DCC: variants seen among roughly 807,000 people sequenced by gnomAD.
DCC encodes DCC netrin 1 receptor.
A neutral mutation model predicts 172.5 loss-of-function variants in DCC; 58 were observed. The ratio of observed to expected loss-of-function variants is 0.34; its 90% CI spans 0.27 to 0.42. The LOEUF (loss-of-function observed/expected upper bound fraction) is 0.42, where lower values mean the gene tolerates loss of function less well. Among genes scored for constraint, DCC ranks in the 10% least tolerant of loss-of-function variants. DCC has a pLI of 1.00. For missense variants in DCC, 1,740 were observed against 1,791.0 expected, an observed-to-expected ratio of 0.97 and a Z score of 0.51; for synonymous variants, 709 against 644.5, an observed-to-expected ratio of 1.10 and a Z score of -1.52.
intron 7 of DCC, among the ~76,000 whole-genome samples, chr18:53,077,070 CA>C (rs1270619780): frequency 6.7e-6 from 1 of 148,588 alleles, no homozygotes; most frequent in Non-Finnish European, 1.5e-5. Context: ...CTGGTGTTTA[CA>C]GGGGATTCAA....
chr18:53,378,176 G>A (rs1160655232), intron 15 of DCC, among the ~76,000 whole-genome samples: 2 of 152,124 alleles, frequency 1.3e-5, no homozygotes, highest in South Asian at 4.2e-4. Flanking sequence ...GGTCGGGCTG[G>A]TCTCGAACTC....
chr18:52,373,329 C>T (rs1242395009), intron 1 of DCC, among the ~76,000 whole-genome samples: 6 of 152,170 alleles, frequency 3.9e-5, no homozygotes, highest in African/African-American at 1.4e-4. Context: ...CTCAAGGTCT[C>T]TATGTTCTAT....
intron 1 of DCC, among the ~76,000 whole-genome samples, chr18:52,572,207 G>C (rs2033315406): frequency 6.6e-6 from 1 of 152,110 alleles, no homozygotes; most frequent in Non-Finnish European, 1.5e-5. Flanking sequence ...GCAATAAACA[G>C]AGGCACTAAA....
At position 52,936,610 on chromosome 18, in the gene DCC, G is replaced by A. The variant is rs1156452628; in HGVS notation, c.985+11240G>A. Among the ~76,000 whole-genome samples the A allele has an allele frequency of 3.5e-5, 2 of 57,332 alleles. 1 individual carries two copies. The highest frequency in any genetic ancestry group is 1.0e-4 in the Non-Finnish European group (2 of 19,126). 37.6% of individuals were successfully genotyped at this position (57,332 alleles called of 152,430 possible). ...TGTACTAATACAGACCATTAAAAAGGCAATCTAAGAATATAATTTTAATTA... is the reference window on the plus strand; with the variant it reads ...TGTACTAATACAGACCATTAAAAAGACAATCTAAGAATATAATTTTAATTA... On this transcript the variant is annotated intron_variant, in intron 5 of 28. Transcript: ENST00000442544.
chr18:52,554,297 C>T (rs541006816), intron 1 of DCC, among the ~76,000 whole-genome samples: 5 of 152,064 alleles, frequency 3.3e-5, no homozygotes, highest in Admixed American at 6.6e-5. Context: ...CCACAGGTTT[C>T]CTGTTTATCC....
intron 1 of DCC, among the ~76,000 whole-genome samples, chr18:52,669,670 A>G: frequency 6.6e-6 from 1 of 152,242 alleles, no homozygotes; most frequent in East Asian, 1.9e-4. Flanking sequence ...ATTTATTCAA[A>G]GTATCTAGAA....
At chr18:53,066,355 A>G (rs201953743) in intron 7 of DCC, among the ~76,000 whole-genome samples, 189 bp downstream of exon 7, 502 of 22,690 alleles carry the variant, frequency 0.022, 1 homozygote, top group East Asian at 0.039. Flanking sequence ...ACATGTGTGT[A>G]TATATATATA....
At chr18:52,650,331 C>G (rs1405878810) in intron 1 of DCC, among the ~76,000 whole-genome samples, 1 of 151,940 alleles carries the variant, frequency 6.6e-6, no homozygotes, top group African/African-American at 2.4e-5. Context: ...GGAATAGGCA[C>G]TGGAGACTCA....
intron 2 of DCC, among the ~76,000 whole-genome samples, chr18:52,851,943 T>G (rs1163384760): frequency 6.6e-6 from 1 of 152,128 alleles, no homozygotes; most frequent in Non-Finnish European, 1.5e-5. Flanking sequence ...TTCACTAACT[T>G]ACTGTGGATA....
At chr18:52,736,498 T>C (rs1212784410) in intron 1 of DCC, among the ~76,000 whole-genome samples, 1 of 152,098 alleles carries the variant, frequency 6.6e-6, no homozygotes, top group Non-Finnish European at 1.5e-5. Context: ...TTCCTCTGGC[T>C]GTGCAAGAGC....
rs755118442 is a variant in DCC, at chr18:52,950,929, C to CAAAAAAAAA, written c.985+25593_985+25601dup. 1.4e-3 allele frequency among the ~76,000 whole-genome samples: 83 copies of CAAAAAAAAA among 57,420 alleles called. 8 individuals carry two copies. Among genetic ancestry groups the CAAAAAAAAA allele is most frequent in the East Asian group, 4.8e-3 (6 of 1,238 alleles). The allele number at this position is 57,420 out of a possible 152,430, so 37.7% of individuals were successfully genotyped here. A position where few individuals can be genotyped will look rare whatever the true frequency, so the allele number is the denominator to read the frequency against. ...TGGGCGACAGAGTGAGACTCCGTCT[C>CAAAAAAAAA]AAAAAAAAAAAAAAAAAAAAAAAAA... On this transcript the variant is annotated intron_variant, in intron 5 of 28. Transcript: ENST00000442544.
chr18:52,929,391 G>T (rs1036587486), intron 5 of DCC, among the ~76,000 whole-genome samples: 24 of 151,980 alleles, frequency 1.6e-4, no homozygotes, highest in African/African-American at 5.8e-4. Flanking sequence ...AAAAAAGCAG[G>T]TTTATGTGAT....
At chr18:53,378,783 T>C (rs1907501191) in intron 15 of DCC, among the ~76,000 whole-genome samples, 2 of 152,200 alleles carry the variant, frequency 1.3e-5, no homozygotes, top group Non-Finnish European at 2.9e-5. Context: ...TGGAGTCAAA[T>C]ACTTTCTCAC....
chr18:53,440,596 T>C (rs1912214225), intron 22 of DCC, among the ~76,000 whole-genome samples: 1 of 152,096 alleles, frequency 6.6e-6, no homozygotes, highest in African/African-American at 2.4e-5. Context: ...ATTCCAAGGT[T>C]GGTAACTATT....
At chr18:52,790,589 C>T (rs2037742902) in intron 2 of DCC, among the ~76,000 whole-genome samples, 2 of 152,076 alleles carry the variant, frequency 1.3e-5, no homozygotes. Context: ...AAAAAGATAG[C>T]CATTTTATAC....
intron 1 of DCC, among the ~76,000 whole-genome samples, chr18:52,510,172 A>T (rs751656320): frequency 2.0e-5 from 3 of 150,252 alleles, no homozygotes; most frequent in Non-Finnish European, 4.4e-5. Context: ...ACTTAGGGCC[A>T]CTCCTTGGTC....
chr18:53,227,371 G>A (rs7231178), intron 12 of DCC, among the ~76,000 whole-genome samples: 78,330 of 151,902 alleles, frequency 0.52, 21,388 homozygotes, highest in African/African-American at 0.62. Context: ...CTTAATATAT[G>A]TACTCAATAA....
Position 53,445,837 on chromosome 18 carries a change from C to T in DCC, c.3230-4663C>T, listed in dbSNP as rs372619769. On this transcript the variant is annotated intron_variant, in intron 22 of 28. Transcript: ENST00000442544. ...GGTAAAAAATGTGACACCCTTATTA[C>T]TAATTTTAATGGAACACATCTAGGT... 3.0e-4 allele frequency among the ~76,000 whole-genome samples: 45 copies of T among 152,028 alleles called. No individual in the cohort carries two copies. The South Asian group carries it at 7.1e-3, about 24-fold the overall frequency.
chr18:52,904,740 A>T (rs2039856174), intron 2 of DCC, among the ~76,000 whole-genome samples: 2 of 152,208 alleles, frequency 1.3e-5, no homozygotes, highest in Non-Finnish European at 2.9e-5. Context: ...CTTGACATGA[A>T]CCCCAGACTG....
Sources: allele counts gnomAD v4.1 joint callset (sites outside exome capture counted in the v4.1 genomes callset), GRCh38; gene constraint gnomAD v4.1.1; transcripts MANE v1.5; gene names NCBI Gene and HGNC (gene_info 2026-07-23, HGNC 2026-07-21).